Variants in MRGPRF observed in about 807,000 individuals in gnomAD.
The protein encoded by MRGPRF is mas-related G protein-coupled receptor member F.
Under a neutral mutation model 3.3 loss-of-function variants are expected in MRGPRF, and 2 were observed. The observed-to-expected ratio is 0.61, with a 90% CI of 0.25 to 1.92. The LOEUF (loss-of-function observed/expected upper bound fraction) is 1.92. MRGPRF is among the 40% of genes most tolerant of loss of function. MRGPRF has a pLI of 0.16. For synonymous variants in MRGPRF, 242 were observed against 222.7 expected, an observed-to-expected ratio of 1.09 and a Z score of -0.77; for missense variants, 500 against 476.0, an observed-to-expected ratio of 1.05 and a Z score of -0.47.
rs936095697 is a variant in MRGPRF at position 69,013,148 on chromosome 11, G to A, written c.-122C>T. 10 of 152,488 alleles carry A rather than the reference G, an allele frequency of 6.6e-5. 1 individual carries two copies. The highest frequency in any genetic ancestry group is 1.9e-4 in the African/African-American group (8 of 41,566). 9.4% of individuals were successfully genotyped at this position (152,488 alleles called of 1,614,324 possible). On this transcript the variant is annotated 5_prime_UTR_variant, in exon 1 of 3. Transcript: ENST00000309099. ...GGCTCTTCCTGTGACTCCCGCCTCC[G>A]GCCGGCGGACCCGCCGGGGCAGCAG...
Position 69,005,835 on chromosome 11 carries a change from G to A in MRGPRF, c.475C>T (p.Leu159=). The change falls in exon 3 of 3, where the codon CTG becomes TTG. Residue 159 remains leucine, a synonymous_variant. Coordinates refer to ENST00000309099, the MANE Select transcript of MRGPRF (RefSeq NM_145015.5). ...AGCAGGGCGCACACCACGGCCGACA[G>A]GCGCTTGGGCCGCCGGCGCCAGTAC... is the stretch of plus-strand genomic sequence containing the variant. ...AWYWRRRPKR[L]SAVVCALLWV... is the part of the protein sequence containing the mutation. 2 of 1,534,528 alleles carry A rather than the reference G, an allele frequency of 1.3e-6. No homozygotes were observed. Among genetic ancestry groups the A allele is most frequent in the Non-Finnish European group, 8.8e-7 (1 of 1,141,408 alleles).
In MRGPRF at chr11:69,005,906, G is replaced by C; in HGVS notation, c.404C>G (p.Pro135Arg). 6.4e-7 allele frequency: 1 copy of C among 1,573,338 alleles called. No homozygotes were observed. Among genetic ancestry groups the C allele is most frequent in the South Asian group, 1.2e-5 (1 of 86,236 alleles). Residue 135 changes from proline to arginine, a missense_variant, in exon 3 of 3, where the codon CCG becomes CGG. Physicochemically the swap from Pro to Arg is moderately radical, Grantham distance 103 (BLOSUM62 -2). Transcript: ENST00000309099. ...CMFLTGVSLLPAVSAERCASV... is the reference protein window; with the variant it reads ...CMFLTGVSLLRAVSAERCASV... ...GGCGCAGCGCTCGGCGCTGACGGCC[G>C]GCAGGAGGCTCACGCCGGTAAGGAA...
rs778856837 is a variant in MRGPRF at position 69,005,993 on chromosome 11, C to G, written c.317G>C (p.Gly106Ala). 33 of 1,565,430 alleles carry G rather than the reference C, an allele frequency of 2.1e-5. No individual in the cohort carries two copies. The highest frequency in any genetic ancestry group is 2.6e-5 in the Non-Finnish European group (30 of 1,154,964). The change falls in exon 3 of 3, where the codon GGC (glycine) becomes GCC (alanine). Residue 106 changes from glycine to alanine, a missense_variant. Coordinates refer to ENST00000309099, the MANE Select transcript of MRGPRF (RefSeq NM_145015.5). ...KAVFSILNTG[G>A]FLGTFADYIR... Reference sequence around the variant, plus strand: ...GTAGTCGGCAAACGTGCCCAGGAAGCCCCCCGTGTTCAGGATGGAGAACAC... The same window carrying G: ...GTAGTCGGCAAACGTGCCCAGGAAGGCCCCCGTGTTCAGGATGGAGAACAC...
chr11:69,009,757 G>T (rs1295777161), intron 2 of MRGPRF, 97 bp downstream of exon 2: 1 of 1,439,024 alleles, frequency 6.9e-7, no homozygotes, highest in South Asian at 1.2e-5. Flanking sequence ...AGTGGGGCCA[G>T]GAAGGGGGGG....
intron 1 of MRGPRF, among the ~76,000 whole-genome samples, chr11:69,010,989 G>A (rs1490397915): frequency 3.3e-5 from 5 of 152,170 alleles, no homozygotes; most frequent in African/African-American, 1.2e-4. Flanking sequence ...GGCTGTGAGC[G>A]GAGAAGGGCC....
intron 2 of MRGPRF, among the ~76,000 whole-genome samples, chr11:69,008,914 G>A (rs751788022): frequency 3.9e-5 from 6 of 152,212 alleles, no homozygotes; most frequent in East Asian, 3.8e-4. Flanking sequence ...GGGGGAGGCC[G>A]GGTGAGTCAC....
Position 69,005,187 on chromosome 11 carries a change from T to C in MRGPRF, c.*91A>G. ...GAGGAAACAGATCTTTCTTCTCCTG[T>C]ATGGACTCAGAAGCAGGTGCCCATT... is the stretch of plus-strand genomic sequence containing the variant. On this transcript the variant is annotated 3_prime_UTR_variant, in exon 3 of 3. Transcript: ENST00000309099. The C allele has an allele frequency of 7.2e-7, 1 of 1,385,022 alleles. No homozygotes were observed. Among genetic ancestry groups the C allele is most frequent in the South Asian group, 1.5e-5 (1 of 66,622 alleles). The allele number at this position is 1,385,022 out of a possible 1,614,324, so 85.8% of individuals were successfully genotyped here.
At chr11:69,010,930 C>A (rs554284894) in intron 1 of MRGPRF, among the ~76,000 whole-genome samples, 1 of 152,156 alleles carries the variant, frequency 6.6e-6, no homozygotes, top group Non-Finnish European at 1.5e-5. Context: ...CCCTTCCCCG[C>A]AGAGAAGCAT....
chr11:69,009,481 C>T lies in MRGPRF; in HGVS notation c.48+373G>A, dbSNP rs2154012787. Reference sequence around the variant, plus strand: ...TCCATGGAGCACATGACATCAGGGCCACCTTGGAGTCAGCGTCCCAGGGCT... The same window carrying T: ...TCCATGGAGCACATGACATCAGGGCTACCTTGGAGTCAGCGTCCCAGGGCT... On this transcript the variant is annotated intron_variant, in intron 2 of 2. Coordinates refer to ENST00000309099, the MANE Select transcript of MRGPRF (RefSeq NM_145015.5). 5.2e-6 allele frequency: 3 copies of T among 572,262 alleles called. No individual in the cohort carries two copies. In the East Asian group the frequency reaches 8.9e-5, roughly 17 times the overall value. The allele number at this position is 572,262 out of a possible 1,614,324, so 35.4% of individuals were successfully genotyped here.
Position 69,005,614 on chromosome 11 carries a change from C to A in MRGPRF, c.696G>T (p.Gln232His). ...LHVECRARRR[Q>H]RSAKLNHVIL... The stretch of plus-strand genomic sequence containing the variant: ...TGACGTGGTTGAGCTTGGCAGAGCG[C>A]TGGCGCCGTCGGGCCCGGCACTCCA... The change falls in exon 3 of 3, where the codon CAG (glutamine) becomes CAT (histidine). Residue 232 changes from glutamine (Q) to histidine (H), a missense_variant. Coordinates refer to ENST00000309099, the MANE Select transcript of MRGPRF (RefSeq NM_145015.5). 6.4e-7 allele frequency: 1 copy of A among 1,564,414 alleles called. No individual in the cohort carries two copies. Among genetic ancestry groups the A allele is most frequent in the South Asian group, 1.2e-5 (1 of 84,816 alleles).
At chr11:69,009,496 G>A (rs117345641) in intron 2 of MRGPRF, 7,560 of 580,276 alleles carry the variant, frequency 0.013, 81 homozygotes, top group Non-Finnish European at 0.016. Flanking sequence ...TGGAGTCAGC[G>A]TCCCAGGGCT....
intron 1 of MRGPRF, among the ~76,000 whole-genome samples, chr11:69,012,011 C>A (rs189596416): frequency 9.9e-4 from 151 of 152,342 alleles, no homozygotes; most frequent in Non-Finnish European, 2.1e-4. Context: ...TTCACGCATG[C>A]ACAGAAAGAT....
In MRGPRF at chr11:69,005,613, G is replaced by A. The variant is rs866109625; in HGVS notation, c.697C>T (p.Arg233Cys). 6.4e-6 allele frequency: 10 copies of A among 1,566,580 alleles called. No homozygotes were observed. The highest frequency in any genetic ancestry group is 2.6e-6 in the Non-Finnish European group (3 of 1,156,338). ...HVECRARRRQ[R>C]SAKLNHVILA... ...ATGACGTGGTTGAGCTTGGCAGAGCGCTGGCGCCGTCGGGCCCGGCACTCC... is the reference window on the plus strand; with the variant it reads ...ATGACGTGGTTGAGCTTGGCAGAGCACTGGCGCCGTCGGGCCCGGCACTCC... The change falls in exon 3 of 3, where the codon CGC becomes TGC. Residue 233 changes from arginine (R) to cysteine (C), a missense_variant. Transcript: ENST00000309099.
intron 1 of MRGPRF, among the ~76,000 whole-genome samples, chr11:69,012,709 G>C (rs951446032): frequency 2.4e-4 from 37 of 152,220 alleles, no homozygotes; most frequent in East Asian, 1.2e-3. Context: ...TGGCCAGTGA[G>C]GCTGGGGGAG....
At chr11:69,010,668 C>T (rs1860575670) in intron 1 of MRGPRF, among the ~76,000 whole-genome samples, 1 of 152,212 alleles carries the variant, frequency 6.6e-6, no homozygotes, top group South Asian at 2.1e-4. Flanking sequence ...ACACCATGCC[C>T]TGCAGCCTTG....
At chr11:69,006,321 A>C in intron 2 of MRGPRF, 60 bp from the exon 3 acceptor site, 1 of 1,470,574 alleles carries the variant, frequency 6.8e-7, no homozygotes, top group Non-Finnish European at 9.0e-7. Flanking sequence ...ACAGACCTGC[A>C]TCTGGGGCCC....
intron 2 of MRGPRF, chr11:69,009,468 A>G: frequency 1.8e-6 from 1 of 566,206 alleles, no homozygotes; most frequent in Non-Finnish European, 3.1e-6. Flanking sequence ...CATGGAGCAC[A>G]TGACATCAGG....
chr11:69,005,624 C>A lies in MRGPRF; in HGVS notation c.686G>T (p.Arg229Leu). The A allele has an allele frequency of 6.4e-7, 1 of 1,557,898 alleles. No homozygotes were observed. Among genetic ancestry groups the A allele is most frequent in the Non-Finnish European group, 8.7e-7 (1 of 1,151,238 alleles). The change falls in exon 3 of 3, where the codon CGA (arginine) becomes CTA (leucine). Residue 229 changes from arginine to leucine, a missense_variant. Physicochemically the swap from Arg to Leu is moderately radical, Grantham distance 102. Coordinates refer to ENST00000309099, the MANE Select transcript of MRGPRF (RefSeq NM_145015.5). ...ALILHVECRA[R>L]RRQRSAKLNH... ...GAGCTTGGCAGAGCGCTGGCGCCGT[C>A]GGGCCCGGCACTCCACGTGCAGGAT...
chr11:69,005,790 CCAGGAGGGACAGGACCCACAG>C lies in MRGPRF; in HGVS notation c.499_519del (p.Leu167_Leu173del), dbSNP rs752212337. The C allele has an allele frequency of 6.5e-7, 1 of 1,540,180 alleles. No homozygotes were observed. Among genetic ancestry groups the C allele is most frequent in the South Asian group, 1.2e-5 (1 of 82,242 alleles). ...CAGAAGTAGTTGTGCAGGCAGGTGA[CCAGGAGGGACAGGACCCACAG>C]CAGGGCGCACACCACGGCCGACAGG... is the stretch of plus-strand genomic sequence containing the variant. On this transcript the variant is annotated inframe_deletion, in exon 3 of 3. Transcript: ENST00000309099.
Sources: gnomAD v4.1 joint callset for allele counts (sites outside exome capture counted in the v4.1 genomes callset) on GRCh38, gnomAD v4.1.1 for gene constraint, MANE v1.5 for transcripts, NCBI Gene and HGNC (gene_info 2026-07-23, HGNC 2026-07-21) for gene names.